Variants in TCF12 observed in about 807,000 individuals in gnomAD.
TCF12 encodes the protein transcription factor 12, also known as DNA-binding protein HTF4.
Under a neutral mutation model 86.0 loss-of-function variants are expected in TCF12, and 45 were observed. The ratio of observed to expected loss-of-function variants is 0.52; its 90% CI spans 0.41 to 0.67. The LOEUF is 0.67. Ranked by LOEUF, TCF12 falls within the 30% of genes least tolerant of loss-of-function variation. The pLI is 0.00. For synonymous variants in TCF12, 330 were observed against 299.6 expected, an observed-to-expected ratio of 1.10 and a Z score of -1.05; for missense variants, 881 against 859.9, an observed-to-expected ratio of 1.02 and a Z score of -0.31.
intron 4 of TCF12, among the ~76,000 whole-genome samples, chr15:57,065,320 A>G (rs1170715988): frequency 2.0e-5 from 3 of 152,174 alleles, no homozygotes; most frequent in African/African-American, 7.2e-5. Flanking sequence ...TGTCTTAGCT[A>G]TTTAATCTTG....
chr15:57,038,461 AGAGGGAGG>A (rs58248667), intron 3 of TCF12, among the ~76,000 whole-genome samples: 1 of 102,228 alleles, frequency 9.8e-6, no homozygotes, highest in Non-Finnish European at 1.9e-5. Flanking sequence ...GAGAAGGAAG[AGAGGGAGG>A]GAGGGAGGGA....
intron 3 of TCF12, among the ~76,000 whole-genome samples, chr15:56,961,325 A>C (rs1197109508): frequency 2.0e-5 from 3 of 152,172 alleles, no homozygotes; most frequent in African/African-American, 7.2e-5. Context: ...ATTTGTAAAC[A>C]TCTTAGAAAA....
intron 4 of TCF12, among the ~76,000 whole-genome samples, chr15:57,068,046 T>C (rs1021706209): frequency 3.4e-4 from 51 of 152,202 alleles, no homozygotes; most frequent in Non-Finnish European, 6.3e-4. Flanking sequence ...TTCAGATTTT[T>C]TTTTTCTCTT....
At chr15:57,109,492 GT>G (rs1196443798) in intron 5 of TCF12, among the ~76,000 whole-genome samples, 5 of 152,060 alleles carry the variant, frequency 3.3e-5, no homozygotes, top group Non-Finnish European at 5.9e-5. Context: ...ATTGTATTTT[GT>G]TTATCCTTTT....
rs1457709906 is a variant in TCF12, at chr15:57,063,730, T to C, written c.149-20T>C. The C allele has an allele frequency of 6.3e-7, 1 of 1,587,684 alleles. No homozygotes were observed. The highest frequency in any genetic ancestry group is 2.3e-5 in the East Asian group (1 of 44,420). ...AAAAGTATGTTTTTAGATATATCTT[T>C]TATTTTCTTCTCTTTTTAGGTATTG... On this transcript the variant is annotated intron_variant, in intron 3 of 20. Transcript: ENST00000333725.
At chr15:57,262,706 C>G (rs1010434717) in intron 17 of TCF12, among the ~76,000 whole-genome samples, 2 of 152,078 alleles carry the variant, frequency 1.3e-5, no homozygotes, top group Non-Finnish European at 2.9e-5. Flanking sequence ...ATAAGATCAC[C>G]AAAATAAAGT....
Position 57,256,136 on chromosome 15 carries a change from C to G in TCF12, c.1467+2668C>G, listed in dbSNP as rs77248517. ...TGTTAGGTGAGTCAGTATTCATCTCCTGTCCTTCTGAAGTAAGCCTTTTAG... is the reference window on the plus strand; with the variant it reads ...TGTTAGGTGAGTCAGTATTCATCTCGTGTCCTTCTGAAGTAAGCCTTTTAG... On this transcript the variant is annotated intron_variant, in intron 16 of 20. Coordinates refer to ENST00000333725, the MANE Select transcript of TCF12 (RefSeq NM_207037.2). Among the ~76,000 whole-genome samples the G allele has an allele frequency of 6.6e-5, 10 of 152,296 alleles. No individual in the cohort carries two copies. The East Asian group carries it at 1.9e-3, about 29-fold the overall frequency.
At chr15:57,160,331 A>G (rs1470016338) in intron 5 of TCF12, among the ~76,000 whole-genome samples, 2 of 152,126 alleles carry the variant, frequency 1.3e-5, no homozygotes. Flanking sequence ...CAAAGGGGGG[A>G]AAAGTCCCTT....
intron 8 of TCF12, among the ~76,000 whole-genome samples, chr15:57,223,659 T>TTTTTTGTTTTTG (rs1566940881): frequency 2.1e-5 from 3 of 144,418 alleles, no homozygotes; most frequent in African/African-American, 5.0e-5. Flanking sequence ...TTTTTTTTTT[T>TTTTTTGTTTTTG]TTTTTTTTTT....
chr15:57,291,133 C>A (rs2062065763), downstream of TCF12: 1 of 152,160 alleles, frequency 6.6e-6, no homozygotes, highest in African/African-American at 2.4e-5. Flanking sequence ...AATGTCATTT[C>A]TCCGTGTCTG....
At chr15:57,114,471 AT>A (rs2050709218) in intron 5 of TCF12, among the ~76,000 whole-genome samples, 1 of 151,680 alleles carries the variant, frequency 6.6e-6, no homozygotes, top group South Asian at 2.1e-4. Flanking sequence ...TTTTATTTTT[AT>A]TTTTTTGTGG....
chr15:57,219,195 T>C, intron 8 of TCF12: 1 of 1,090,396 alleles, frequency 9.2e-7, no homozygotes, highest in Non-Finnish European at 1.1e-6. Flanking sequence ...GAGACAAATC[T>C]AATAATTTCT....
chr15:56,968,509 A>G (rs1291206902), intron 3 of TCF12, among the ~76,000 whole-genome samples: 1 of 152,058 alleles, frequency 6.6e-6, no homozygotes, highest in Non-Finnish European at 1.5e-5. Context: ...GGTGCATGCC[A>G]CTGTGCCTGG....
chr15:57,091,192 T>G (rs1242907783), intron 4 of TCF12, among the ~76,000 whole-genome samples: 3 of 152,208 alleles, frequency 2.0e-5, no homozygotes, highest in Non-Finnish European at 4.4e-5. Context: ...TACAGTAGTA[T>G]TAAAATGAGT....
In TCF12 at chr15:57,263,328, A is replaced by C. The variant is rs2060678261; in HGVS notation, c.1745+54A>C. 22 of 1,548,294 alleles carry C rather than the reference A, an allele frequency of 1.4e-5. No homozygotes were observed. The South Asian group carries it at 2.4e-4, about 17-fold the overall frequency. ...TTATTCATTTTCCATAGGTAAACAT[A>C]CTTGAGAAGCTGGGTGTCATGCATT... On this transcript the variant is annotated intron_variant, in intron 18 of 20. Coordinates refer to ENST00000333725, the MANE Select transcript of TCF12 (RefSeq NM_207037.2).
intron 5 of TCF12, among the ~76,000 whole-genome samples, chr15:57,122,663 C>G (rs1286814921): frequency 6.6e-6 from 1 of 152,164 alleles, no homozygotes; most frequent in Non-Finnish European, 1.5e-5. Context: ...AGAGAACCAC[C>G]AGAAGAGCCA....
intron 5 of TCF12, among the ~76,000 whole-genome samples, chr15:57,153,351 A>G (rs1443371953): frequency 6.6e-6 from 1 of 152,232 alleles, no homozygotes; most frequent in Non-Finnish European, 1.5e-5. Flanking sequence ...AAAAGCAACT[A>G]TGAACAGTAC....
intron 3 of TCF12, among the ~76,000 whole-genome samples, chr15:56,976,829 A>G (rs1158972511): frequency 6.6e-6 from 1 of 152,228 alleles, no homozygotes. Flanking sequence ...TGTTAGTAGC[A>G]AGAAAAATTG....
intron 5 of TCF12, among the ~76,000 whole-genome samples, chr15:57,136,796 C>G (rs1324587149): frequency 6.6e-6 from 1 of 151,832 alleles, no homozygotes; most frequent in Non-Finnish European, 1.5e-5. Context: ...ACACCTAAGC[C>G]TCCTGAGTAG....
Sources: gnomAD v4.1 joint callset for allele counts (sites outside exome capture counted in the v4.1 genomes callset) on GRCh38, gnomAD v4.1.1 for gene constraint, MANE v1.5 for transcripts, NCBI Gene and HGNC (gene_info 2026-07-23, HGNC 2026-07-21) for gene names.